The following CNTN3 variants were observed in gnomAD, a reference collection of about 807,000 sequenced individuals.
The protein encoded by CNTN3 is contactin-3.
In CNTN3, 60 loss-of-function variants were observed where a neutral mutation model predicts 119.1. That is an observed-to-expected ratio of 0.50 (90% CI 0.41 to 0.62). The LOEUF is 0.62. Among genes scored for constraint, CNTN3 ranks in the 20% least tolerant of loss-of-function variants. CNTN3 has a pLI of 0.00. For synonymous variants in CNTN3, 450 were observed against 438.7 expected (o/e 1.03, Z -0.32); for missense variants, 1,101 against 1,242.4 (o/e 0.89, Z 1.71).
At chr3:74,434,285 A>G (rs1701831379) in intron 4 of CNTN3, among the ~76,000 whole-genome samples, 1 of 152,224 alleles carries the variant, frequency 6.6e-6, no homozygotes, top group African/African-American at 2.4e-5. Context: ...AGCATCCCAG[A>G]TCTGTAAGCC....
At chr3:74,458,361 CT>C (rs1304143577) in intron 4 of CNTN3, among the ~76,000 whole-genome samples, 1 of 151,930 alleles carries the variant, frequency 6.6e-6, no homozygotes, top group African/African-American at 2.4e-5. Context: ...ATGTTTTTGT[CT>C]GGTCTGAGAG....
intron 20 of CNTN3, among the ~76,000 whole-genome samples, chr3:74,281,901 T>C (rs952631217): frequency 2.0e-5 from 3 of 152,248 alleles, no homozygotes; most frequent in Non-Finnish European, 4.4e-5. Flanking sequence ...AGTGTCTGGA[T>C]CCATTCATAC....
intron 5 of CNTN3, among the ~76,000 whole-genome samples, chr3:74,414,877 C>CTTTTTTTTTT (rs71129747): frequency 3.4e-5 from 4 of 117,116 alleles, no homozygotes; most frequent in East Asian, 2.7e-4. Context: ...TTCCTATAGT[C>CTTTTTTTTTT]TTTTTTTTTT....
At chr3:74,461,169 G>C (rs1398350424) in intron 4 of CNTN3, among the ~76,000 whole-genome samples, 1 of 151,840 alleles carries the variant, frequency 6.6e-6, no homozygotes, top group East Asian at 1.9e-4. Context: ...TCAAATGTTA[G>C]ACCAAACTTG....
At chr3:74,460,214 T>C (rs1044033897) in intron 4 of CNTN3, among the ~76,000 whole-genome samples, 6 of 152,034 alleles carry the variant, frequency 3.9e-5, no homozygotes, top group African/African-American at 2.4e-5. Context: ...TTTGATCTTC[T>C]TTGTTGAGAC....
At chr3:74,314,908 C>G (rs1451806995) in intron 13 of CNTN3, among the ~76,000 whole-genome samples, 1 of 152,298 alleles carries the variant, frequency 6.6e-6, no homozygotes, top group Non-Finnish European at 1.5e-5. Flanking sequence ...CTGAGACCTT[C>G]TGTACTGCAT....
intron 19 of CNTN3, among the ~76,000 whole-genome samples, chr3:74,293,000 T>C (rs1702263972): frequency 6.9e-6 from 1 of 145,912 alleles, no homozygotes; most frequent in Non-Finnish European, 1.5e-5. Context: ...CCTGTATTTA[T>C]GTGGTGTTTT....
At chr3:74,569,364 G>C (rs531757189) in intron 1 of CNTN3, among the ~76,000 whole-genome samples, 1 of 151,720 alleles carries the variant, frequency 6.6e-6, no homozygotes, top group African/African-American at 2.4e-5. Context: ...AAACTATGGG[G>C]TGTAATCTAC....
At chr3:74,282,539 G>A (rs1319131658) in intron 20 of CNTN3, among the ~76,000 whole-genome samples, 1 of 152,094 alleles carries the variant, frequency 6.6e-6, no homozygotes, top group Admixed American at 6.5e-5. Flanking sequence ...GGGTAAATAA[G>A]ACACAGAAGG....
intron 1 of CNTN3, among the ~76,000 whole-genome samples, chr3:74,610,799 C>T (rs1291384207): frequency 1.3e-5 from 2 of 151,782 alleles, no homozygotes; most frequent in African/African-American, 2.4e-5. Flanking sequence ...GGGAAGTGGG[C>T]GAATGTGAGA....
intron 1 of CNTN3, among the ~76,000 whole-genome samples, chr3:74,542,747 A>G (rs1251922064): frequency 1.3e-5 from 2 of 152,186 alleles, no homozygotes; most frequent in East Asian, 1.9e-4. Context: ...AGATTTGAGA[A>G]TTTTGTTCCT....
chr3:74,301,940 G>T, intron 14 of CNTN3, 135 bp from the exon 15 acceptor site: 1 of 871,724 alleles, frequency 1.1e-6, no homozygotes, highest in South Asian at 1.7e-5. Context: ...TTAGGGAAAA[G>T]GCCATTTACC....
chr3:74,385,958 A>T (rs1704735508), intron 5 of CNTN3, among the ~76,000 whole-genome samples: 1 of 152,212 alleles, frequency 6.6e-6, no homozygotes, highest in South Asian at 2.1e-4. Context: ...TGAGCCAAAT[A>T]ACTGATCTTG....
intron 20 of CNTN3, among the ~76,000 whole-genome samples, chr3:74,274,539 C>T (rs1400592798): frequency 6.6e-6 from 1 of 151,974 alleles, no homozygotes; most frequent in African/African-American, 2.4e-5. Flanking sequence ...GTGACTAGAC[C>T]CAGAAGAGAC....
intron 4 of CNTN3, among the ~76,000 whole-genome samples, chr3:74,475,884 A>G (rs1365381474): frequency 6.6e-6 from 1 of 152,196 alleles, no homozygotes; most frequent in Non-Finnish European, 1.5e-5. Flanking sequence ...CCAAAGTGAC[A>G]TTCTGCCTTC....
intron 9 of CNTN3, 137 bp downstream of exon 9, chr3:74,365,429 T>C: frequency 9.0e-7 from 1 of 1,114,962 alleles, no homozygotes; most frequent in South Asian, 1.3e-5. Context: ...TACCACTGCT[T>C]AGAAGTAAAG....
rs1702703399 is a variant in CNTN3 at position 74,478,582 on chromosome 3, G to A, written c.358+7874C>T. Among the ~76,000 whole-genome samples the A allele has an allele frequency of 2.0e-5, 3 of 152,072 alleles. No homozygotes were observed. In the South Asian group the frequency reaches 6.2e-4, roughly 32 times the overall value. On this transcript the variant is annotated intron_variant, in intron 4 of 22. Transcript: ENST00000263665. ...AAACTGGATTTCTTTCCCCTCTGGG[G>A]AATCTGACTTTCTCAAAAAGAAAGA...
chr3:74,286,763 G>A (rs576987195), intron 19 of CNTN3, among the ~76,000 whole-genome samples: 4 of 152,182 alleles, frequency 2.6e-5, no homozygotes, highest in Admixed American at 2.6e-4. Context: ...CAGGGGAGAG[G>A]GTTGTTAAGA....
intron 1 of CNTN3, among the ~76,000 whole-genome samples, chr3:74,592,860 T>C (rs1282375457): frequency 6.6e-6 from 1 of 152,000 alleles, no homozygotes; most frequent in African/African-American, 2.4e-5. Flanking sequence ...AAAAAGAGAT[T>C]CTCTTATTTT....
Sources: allele counts gnomAD v4.1 joint callset (sites outside exome capture counted in the v4.1 genomes callset), GRCh38; gene constraint gnomAD v4.1.1; transcripts MANE v1.5; gene names NCBI Gene and HGNC (gene_info 2026-07-23, HGNC 2026-07-21).